The following ITPR2 variants were observed in gnomAD, a reference collection of about 807,000 sequenced individuals.
ITPR2 encodes inositol 1,4,5-trisphosphate-gated calcium channel ITPR2.
ITPR2 carries 207 observed loss-of-function variants against 317.1 expected under a neutral mutation model. The ratio of observed to expected loss-of-function variants is 0.65; its 90% CI spans 0.58 to 0.73. The LOEUF (loss-of-function observed/expected upper bound fraction) is 0.73. Among genes scored for constraint, ITPR2 ranks in the 30% least tolerant of loss-of-function variants. The pLI, the probability that ITPR2 is intolerant of heterozygous loss-of-function variation, is 0.00. For synonymous variants in ITPR2, 1,156 were observed against 1,149.1 expected, an observed-to-expected ratio of 1.01 and a Z score of -0.12; for missense variants, 2,613 against 3,284.0, an observed-to-expected ratio of 0.80 and a Z score of 4.99.
intron 28 of ITPR2, among the ~76,000 whole-genome samples, chr12:26,601,403 G>T (rs1230690011): frequency 6.6e-6 from 1 of 151,918 alleles, no homozygotes; most frequent in Non-Finnish European, 1.5e-5. Flanking sequence ...ATGGAAATGG[G>T]GCCTCTTGAA....
At chr12:26,676,972 T>C (rs1467544748) in intron 13 of ITPR2, among the ~76,000 whole-genome samples, 2 of 151,810 alleles carry the variant, frequency 1.3e-5, no homozygotes, top group South Asian at 2.1e-4. Flanking sequence ...GGAGGGAGAA[T>C]GTCAGAGCAA....
At chr12:26,567,987 TATATATATATTATATATATTA>T (rs1565609620) in intron 34 of ITPR2, among the ~76,000 whole-genome samples, 14 of 17,598 alleles carry the variant, frequency 8.0e-4, no homozygotes, top group Non-Finnish European at 1.8e-3. Flanking sequence ...ATTATATATA[TATATATATATTATATATATTA>T]TATATATATA....
At chr12:26,635,049 G>A (rs11048627) in intron 21 of ITPR2, among the ~76,000 whole-genome samples, 75,135 of 151,958 alleles carry the variant, frequency 0.49, 18,935 homozygotes, top group Middle Eastern at 0.64. Context: ...TACTGAGAGC[G>A]GTAACTGGGA....
chr12:26,616,127 T>TTTTTA (rs1555167032), intron 26 of ITPR2, among the ~76,000 whole-genome samples: 50 of 150,026 alleles, frequency 3.3e-4, no homozygotes, highest in South Asian at 1.9e-3. Flanking sequence ...TATTTATTTA[T>TTTTTA]TTTTATTTTA....
chr12:26,462,419 G>A (rs116852324), intron 45 of ITPR2, among the ~76,000 whole-genome samples: 9,321 of 152,192 alleles, frequency 0.061, 416 homozygotes, highest in Non-Finnish European at 0.087. Flanking sequence ...TCATCATGTT[G>A]GCCAGGCTGG....
chr12:26,383,828 T>C (rs11614384), intron 55 of ITPR2, among the ~76,000 whole-genome samples: 51,202 of 151,742 alleles, frequency 0.34, 8,696 homozygotes, highest in Non-Finnish European at 0.36. Flanking sequence ...CTCCGAAAGG[T>C]AGGAGGCATT....
intron 2 of ITPR2, among the ~76,000 whole-genome samples, chr12:26,779,015 G>C (rs1228837863): frequency 6.6e-6 from 1 of 152,184 alleles, no homozygotes; most frequent in African/African-American, 2.4e-5. Flanking sequence ...CATTTATTGA[G>C]TGACCCGAAA....
intron 21 of ITPR2, among the ~76,000 whole-genome samples, chr12:26,634,343 G>A (rs1379097968): frequency 6.6e-6 from 1 of 152,054 alleles, no homozygotes; most frequent in East Asian, 1.9e-4. Context: ...ATAAATCAGA[G>A]GTGATTAATC....
chr12:26,734,996 CT>C (rs5797195), intron 2 of ITPR2, among the ~76,000 whole-genome samples: 2,068 of 108,966 alleles, frequency 0.019, 9 homozygotes, highest in Middle Eastern at 0.044. Flanking sequence ...GCAAGCCAGT[CT>C]TTTTTTTTTT....
intron 2 of ITPR2, among the ~76,000 whole-genome samples, chr12:26,771,671 C>A (rs1255747690): frequency 6.6e-6 from 1 of 152,072 alleles, no homozygotes; most frequent in African/African-American, 2.4e-5. Context: ...CCCAACACCA[C>A]GCCTGGCTAA....
At chr12:26,566,119 G>T in intron 34 of ITPR2, among the ~76,000 whole-genome samples, 1 of 135,440 alleles carries the variant, frequency 7.4e-6, no homozygotes, top group African/African-American at 2.9e-5. Context: ...AGGAGAAGGA[G>T]AGGAGGAGAG....
intron 37 of ITPR2, among the ~76,000 whole-genome samples, chr12:26,528,292 C>T (rs2136953906): frequency 6.6e-6 from 1 of 152,316 alleles, no homozygotes; most frequent in Non-Finnish European, 1.5e-5. Flanking sequence ...CTAACACTAA[C>T]AAACTGTTCG....
chr12:26,752,191 T>C (rs768091950), intron 2 of ITPR2, among the ~76,000 whole-genome samples: 2 of 152,192 alleles, frequency 1.3e-5, no homozygotes, highest in Non-Finnish European at 2.9e-5. Flanking sequence ...TCCTATTGCA[T>C]TCTCAGTTCA....
At chr12:26,677,858 T>C (rs1397471088) in intron 13 of ITPR2, among the ~76,000 whole-genome samples, 1 of 152,162 alleles carries the variant, frequency 6.6e-6, no homozygotes, top group African/African-American at 2.4e-5. Flanking sequence ...GAAAATGATG[T>C]TGCTCAGAGA....
At chr12:26,443,445 G>T in intron 46 of ITPR2, 98 bp downstream of exon 46, 3 of 885,268 alleles carry the variant, frequency 3.4e-6, no homozygotes, top group Non-Finnish European at 5.3e-6. Context: ...ACTCACTTCT[G>T]CATCATTGCT....
rs566289510 is a variant in ITPR2 at position 26,408,836 on chromosome 12, T to C, written c.7399+2484A>G. ...ACCAATGCAAGCATAGGGCCACTGA[T>C]ACTTGGAACCATGTTGTTACAATAA... is the stretch of plus-strand genomic sequence containing the variant. On this transcript the variant is annotated intron_variant, in intron 52 of 56. Transcript: ENST00000381340. Among the ~76,000 whole-genome samples, 3 of 152,340 alleles carry C rather than the reference T, an allele frequency of 2.0e-5. No individual in the cohort carries two copies. In the East Asian group the frequency reaches 5.8e-4, roughly 29 times the overall value.
Position 26,561,946 on chromosome 12 carries a change from T to A in ITPR2, c.4637A>T (p.Asn1546Ile). Reference protein sequence around the residue: ...CIRTLAEVAKNRGIAIPVDLD... With the variant: ...CIRTLAEVAKIRGIAIPVDLD... ...ATCCACTGGAATGGCAATTCCACGA[T>A]TTTTTGCTGAAAAAGAAAGATTTAA... The change falls in exon 35 of 57, where the codon AAT becomes ATT. Residue 1546 changes from asparagine (N) to isoleucine (I), a missense_variant. Around this residue, in one of 9 missense-constraint regions of ITPR2, gnomAD observed 926 missense variants for 1,072.8 expected, o/e 0.86. Transcript: ENST00000381340. 1 of 1,509,976 alleles carries A rather than the reference T, an allele frequency of 6.6e-7. No homozygotes were observed. Among genetic ancestry groups the A allele is most frequent in the Non-Finnish European group, 8.8e-7 (1 of 1,136,742 alleles). 93.5% of individuals were successfully genotyped at this position (1,509,976 alleles called of 1,614,324 possible).
intron 55 of ITPR2, among the ~76,000 whole-genome samples, chr12:26,372,896 C>T (rs1260426749): frequency 6.6e-6 from 1 of 152,152 alleles, no homozygotes; most frequent in Admixed American, 6.5e-5. Flanking sequence ...CCTCCCACTG[C>T]CCCCCGACCC....
intron 36 of ITPR2, among the ~76,000 whole-genome samples, chr12:26,553,237 G>A (rs2137010028): frequency 6.6e-6 from 1 of 152,320 alleles, no homozygotes; most frequent in East Asian, 1.9e-4. Context: ...GGGAGAAGTA[G>A]GTGTTGATTT....
Sources: allele counts gnomAD v4.1 joint callset (sites outside exome capture counted in the v4.1 genomes callset), GRCh38; gene constraint gnomAD v4.1.1; regional missense constraint gnomAD v4.1.1; transcripts MANE v1.5; gene names NCBI Gene and HGNC (gene_info 2026-07-23, HGNC 2026-07-21).